ACOXL: variants seen among roughly 807,000 people sequenced by gnomAD.
ACOXL encodes acyl-CoA oxidase like, also known as acyl-coenzyme A oxidase-like protein.
Under a neutral mutation model 71.9 loss-of-function variants are expected in ACOXL, and 70 were observed. The ratio of observed to expected loss-of-function variants is 0.97; its 90% CI spans 0.80 to 1.19. ACOXL has a LOEUF of 1.19. Ranked by LOEUF, ACOXL falls within the 50% of genes most tolerant of loss-of-function variation. The pLI, the probability that ACOXL is intolerant of heterozygous loss-of-function variation, is 0.00. For missense variants in ACOXL, 703 were observed against 736.3 expected (o/e 0.95, Z 0.52); for synonymous variants, 253 against 281.6 (o/e 0.90, Z 1.02).
chr2:110,856,222 AC>A (rs1374634841), intron 10 of ACOXL, among the ~76,000 whole-genome samples: 1 of 152,142 alleles, frequency 6.6e-6, no homozygotes, highest in African/African-American at 2.4e-5. Context: ...TCCCCACTCG[AC>A]CCAGGAAATC....
At chr2:110,802,742 A>T (rs1031458629) in intron 8 of ACOXL, among the ~76,000 whole-genome samples, 1 of 152,094 alleles carries the variant, frequency 6.6e-6, no homozygotes, top group African/African-American at 2.4e-5. Context: ...GGTAGGGAGG[A>T]GGAGGGGATG....
At chr2:111,076,036 TG>T (rs1275897001) in intron 16 of ACOXL, among the ~76,000 whole-genome samples, 1 of 152,176 alleles carries the variant, frequency 6.6e-6, no homozygotes, top group East Asian at 1.9e-4. Context: ...CTTAAAAAAA[TG>T]TGTATTTGCT....
At position 111,106,884 on chromosome 2, in the gene ACOXL, G is replaced by A. The variant is rs537689757; in HGVS notation, c.1543-10732G>A. 5.3e-5 allele frequency among the ~76,000 whole-genome samples: 8 copies of A among 152,186 alleles called. No homozygotes were observed. The South Asian group carries it at 1.7e-3, about 32-fold the overall frequency. ...GGGAGGGCAGGAAAGCCACATTACGGTTCCCTAAAGGGCCTTTACTCACAC... is the reference window on the plus strand; with the variant it reads ...GGGAGGGCAGGAAAGCCACATTACGATTCCCTAAAGGGCCTTTACTCACAC... On this transcript the variant is annotated intron_variant, in intron 17 of 17. Transcript: ENST00000439055.
chr2:110,960,544 C>T (rs775613712), intron 12 of ACOXL, among the ~76,000 whole-genome samples: 5 of 152,088 alleles, frequency 3.3e-5, no homozygotes, highest in South Asian at 2.1e-4. Flanking sequence ...CGACCTATCC[C>T]GCCAACTCCT....
At chr2:111,098,993 A>G (rs951185933) in intron 17 of ACOXL, 5 of 152,216 alleles carry the variant, frequency 3.3e-5, no homozygotes, top group Non-Finnish European at 1.5e-5. Context: ...ACTAAGAAAG[A>G]GAGACATTAA....
At chr2:110,854,043 G>C (rs1042237381) in intron 10 of ACOXL, among the ~76,000 whole-genome samples, 1 of 152,000 alleles carries the variant, frequency 6.6e-6, no homozygotes, top group African/African-American at 2.4e-5. Context: ...ACCCTGGTGG[G>C]AGTACTATCA....
chr2:110,855,097 A>C (rs768949462), intron 10 of ACOXL, among the ~76,000 whole-genome samples: 1 of 152,228 alleles, frequency 6.6e-6, no homozygotes, highest in African/African-American at 2.4e-5. Context: ...GTTGGAGGCA[A>C]AACTGCTCAT....
chr2:111,025,523 G>T (rs573625082), intron 14 of ACOXL, among the ~76,000 whole-genome samples: 2 of 152,156 alleles, frequency 1.3e-5, no homozygotes, highest in Admixed American at 1.3e-4. Context: ...ATTTTAGTGG[G>T]TGCGTAGTAC....
intron 12 of ACOXL, among the ~76,000 whole-genome samples, chr2:110,973,387 G>A (rs2062302213): frequency 6.6e-6 from 1 of 152,036 alleles, no homozygotes; most frequent in African/African-American, 2.4e-5. Context: ...GCCTTTGAGA[G>A]GTGATTAGGT....
intron 17 of ACOXL, among the ~76,000 whole-genome samples, chr2:111,102,328 A>G (rs2069220919): frequency 6.6e-6 from 1 of 152,152 alleles, no homozygotes; most frequent in Non-Finnish European, 1.5e-5. Flanking sequence ...CTGTTTCCTC[A>G]TGGCAGCCAC....
chr2:110,752,698 A>G (rs1300057223), intron 1 of ACOXL, among the ~76,000 whole-genome samples: 2 of 152,008 alleles, frequency 1.3e-5, no homozygotes, highest in Non-Finnish European at 2.9e-5. Context: ...GTGCTTTAAA[A>G]ATAAGATACT....
At chr2:110,827,224 G>T (rs1192004112) in intron 9 of ACOXL, among the ~76,000 whole-genome samples, 1 of 152,198 alleles carries the variant, frequency 6.6e-6, no homozygotes, top group Non-Finnish European at 1.5e-5. Context: ...TCTATACACA[G>T]GCACTGACAC....
chr2:110,832,414 T>G (rs1296239187), intron 9 of ACOXL, among the ~76,000 whole-genome samples: 1 of 151,772 alleles, frequency 6.6e-6, no homozygotes, highest in Non-Finnish European at 1.5e-5. Context: ...GGCGGGCGCC[T>G]GTAGTCCCAG....
At chr2:110,963,564 AATGTGTGTGTGTGTGTGTGTGT>A (rs2061786969) in intron 12 of ACOXL, 1 of 1,478,532 alleles carries the variant, frequency 6.8e-7, no homozygotes, top group Non-Finnish European at 9.0e-7. Flanking sequence ...GCAAATTTGA[AATGTGTGTGTGTGTGTGTGTGT>A]GTGTGTGTGT....
intron 9 of ACOXL, among the ~76,000 whole-genome samples, chr2:110,823,109 T>C (rs1398471322): frequency 2.0e-5 from 3 of 152,008 alleles, no homozygotes; most frequent in African/African-American, 4.8e-5. Context: ...AAAAATTAGC[T>C]GGGCGTGGTG....
At chr2:110,741,132 G>A (rs1677477300) in intron 1 of ACOXL, among the ~76,000 whole-genome samples, 1 of 152,140 alleles carries the variant, frequency 6.6e-6, no homozygotes, top group Non-Finnish European at 1.5e-5. Flanking sequence ...AGGACCTCTG[G>A]GCTTCCGATT....
At chr2:110,864,081 A>T (rs1359449667) in intron 10 of ACOXL, among the ~76,000 whole-genome samples, 1 of 152,132 alleles carries the variant, frequency 6.6e-6, no homozygotes, top group Non-Finnish European at 1.5e-5. Context: ...GCCCCTGAGT[A>T]TATATACCCT....
intron 16 of ACOXL, among the ~76,000 whole-genome samples, chr2:111,054,782 T>A (rs1463248668): frequency 6.6e-6 from 1 of 152,178 alleles, no homozygotes; most frequent in Admixed American, 6.5e-5. Flanking sequence ...TCGACATGAC[T>A]CAACCCTTCA....
At chr2:110,821,217 T>C (rs1688557202) in intron 9 of ACOXL, among the ~76,000 whole-genome samples, 2 of 152,190 alleles carry the variant, frequency 1.3e-5, no homozygotes, top group South Asian at 4.1e-4. Flanking sequence ...TGAAGGGGTA[T>C]AAGCAAAAGA....
Sources: allele counts gnomAD v4.1 joint callset (sites outside exome capture counted in the v4.1 genomes callset), GRCh38; gene constraint gnomAD v4.1.1; transcripts MANE v1.5; gene names NCBI Gene and HGNC (gene_info 2026-07-23, HGNC 2026-07-21).